CAND2: variants seen among roughly 807,000 people sequenced by gnomAD.
The protein encoded by CAND2 is cullin associated and neddylation dissociated 2 (putative).
CAND2 carries 62 observed loss-of-function variants against 98.9 expected under a neutral mutation model. The ratio of observed to expected loss-of-function variants is 0.63; its 90% CI spans 0.51 to 0.77. CAND2 has a LOEUF of 0.77. Ranked by LOEUF, CAND2 falls within the 30% of genes least tolerant of loss-of-function variation. CAND2 has a pLI of 0.00. For missense variants in CAND2, 1,501 were observed against 1,655.2 expected (o/e 0.91, Z 1.62); for synonymous variants, 770 against 731.9 (o/e 1.05, Z -0.84).
rs916656602 is a variant in CAND2, at chr3:12,818,903, A to G, written c.2944+1027A>G. On this transcript the variant is annotated intron_variant, in intron 10 of 14. Coordinates refer to ENST00000456430, the MANE Select transcript of CAND2 (RefSeq NM_001162499.2). ...AACCTTGAGAGACGAGAGTGTTAAG[A>G]TGCAGAGGAGCCCTGCTTTGCCTAA... is the stretch of plus-strand genomic sequence containing the variant. Among the ~76,000 whole-genome samples the G allele has an allele frequency of 5.3e-5, 8 of 152,338 alleles. 1 individual carries two copies. Among genetic ancestry groups the G allele is most frequent in the Admixed American group, 4.6e-4 (7 of 15,314 alleles).
intron 2 of CAND2, among the ~76,000 whole-genome samples, chr3:12,804,178 G>T (rs754010745): frequency 8.5e-5 from 13 of 152,146 alleles, no homozygotes; most frequent in African/African-American, 1.2e-4. Flanking sequence ...TAAAGGCTGG[G>T]TGCGGTGGCT....
In CAND2 at chr3:12,816,661, C is replaced by T. The variant is rs372784797; in HGVS notation, c.1729C>T (p.Arg577Ter). The change falls in exon 10 of 15, where the codon CGA (arginine) becomes TGA (stop). Residue 577 changes from arginine to a stop codon, truncating the protein, a stop_gained. Coordinates refer to ENST00000456430, the MANE Select transcript of CAND2 (RefSeq NM_001162499.2). LOFTEE classifies it high-confidence loss of function. ...AGAGATGTCTGCTGTCACCCTGGCGCGACTTCGTGCCACTGACCTGGACCA... is the reference window on the plus strand; with the variant it reads ...AGAGATGTCTGCTGTCACCCTGGCGTGACTTCGTGCCACTGACCTGGACCA... ...VGEMSAVTLA[R>*]LRATDLDQEV... 7.3e-5 allele frequency: 118 copies of T among 1,613,676 alleles called. No homozygotes were observed. Among genetic ancestry groups the T allele is most frequent in the Non-Finnish European group, 9.2e-5 (108 of 1,180,056 alleles).
intron 11 of CAND2, among the ~76,000 whole-genome samples, chr3:12,822,939 CCTCT>C (rs932929157): frequency 1.3e-5 from 2 of 152,054 alleles, no homozygotes; most frequent in Non-Finnish European, 2.9e-5. Flanking sequence ...TCTTTCTCTC[CCTCT>C]CTCTTCTTTC....
At chr3:12,818,647 C>G (rs1055109958) in intron 10 of CAND2, among the ~76,000 whole-genome samples, 12 of 152,362 alleles carry the variant, frequency 7.9e-5, no homozygotes, top group African/African-American at 2.6e-4. Context: ...CAGCTGGCCC[C>G]TTACAGAACC....
chr3:12,813,543 A>G (rs1335238420), intron 7 of CAND2, among the ~76,000 whole-genome samples, 155 bp downstream of exon 7: 2 of 152,182 alleles, frequency 1.3e-5, no homozygotes, highest in African/African-American at 4.8e-5. Context: ...TGCACAGACC[A>G]CAGTAATGAT....
At chr3:12,798,756 AC>A (rs1235838274) in intron 1 of CAND2, among the ~76,000 whole-genome samples, 1 of 152,006 alleles carries the variant, frequency 6.6e-6, no homozygotes, top group African/African-American at 2.4e-5. Flanking sequence ...ACTTAAAACC[AC>A]CCCAAGCATG....
At position 12,833,752 on chromosome 3, in the gene CAND2, T is replaced by G. The variant is rs1227532176; in HGVS notation, c.3484-3T>G. On this transcript the variant is annotated splice_region_variant and splice_polypyrimidine_tract_variant and intron_variant, in intron 14 of 14. Coordinates refer to ENST00000456430, the MANE Select transcript of CAND2 (RefSeq NM_001162499.2). Reference sequence around the variant, plus strand: ...TGGCTGCTTCTGCTGTTTCCTACTTTAGGTCAAAGCTGGTTCTGTGAAGCA... The same window carrying G: ...TGGCTGCTTCTGCTGTTTCCTACTTGAGGTCAAAGCTGGTTCTGTGAAGCA... The G allele has an allele frequency of 6.2e-7, 1 of 1,612,618 alleles. No individual in the cohort carries two copies. The highest frequency in any genetic ancestry group is 8.5e-7 in the Non-Finnish European group (1 of 1,178,684).
At position 12,820,179 on chromosome 3, in the gene CAND2, T is replaced by C. The variant is rs369598542; in HGVS notation, c.3038T>C (p.Ile1013Thr). The change falls in exon 11 of 15, where the codon ATC (isoleucine) becomes ACC (threonine). Residue 1013 changes from isoleucine (I) to threonine (T), a missense_variant and splice_region_variant. Ile to Thr is a moderately conservative substitution (Grantham distance 89, BLOSUM62 -1). Around this residue, in one of 3 missense-constraint regions of CAND2, gnomAD observed 1,427 missense variants for 1,545.3 expected, o/e 0.92. Transcript: ENST00000456430. ...HPIDPLLKSF[I>T]GEFMESLQDP... The stretch of plus-strand genomic sequence containing the variant: ...ATTGACCCCCTCCTGAAGAGCTTCA[T>C]CGGTGAGCACCTACCTCTTGCCCCT... 1 of 1,612,582 alleles carries C rather than the reference T, an allele frequency of 6.2e-7. No individual in the cohort carries two copies. The highest frequency in any genetic ancestry group is 8.5e-7 in the Non-Finnish European group (1 of 1,178,654).
intron 3 of CAND2, 118 bp downstream of exon 3, chr3:12,807,578 G>T (rs2061817800): frequency 7.7e-6 from 8 of 1,038,922 alleles, no homozygotes; most frequent in Non-Finnish European, 9.6e-6. Flanking sequence ...ACATACCTGA[G>T]GTCACTCAGC....
At chr3:12,821,395 T>G (rs1243103324) in intron 11 of CAND2, among the ~76,000 whole-genome samples, 2 of 151,960 alleles carry the variant, frequency 1.3e-5, no homozygotes, top group African/African-American at 2.4e-5. Context: ...AGCAAAACTC[T>G]GTCTCATAAA....
At chr3:12,802,902 G>T (rs1189130879) in intron 1 of CAND2, among the ~76,000 whole-genome samples, 2 of 151,930 alleles carry the variant, frequency 1.3e-5, no homozygotes, top group African/African-American at 4.8e-5. Flanking sequence ...AGTGGTATTT[G>T]TGTGTCTAAA....
rs751718834 is a variant in CAND2 at position 12,820,092 on chromosome 3, C to T, written c.2951C>T (p.Pro984Leu). 1 of 1,613,924 alleles carries T rather than the reference C, an allele frequency of 6.2e-7. No individual in the cohort carries two copies. The highest frequency in any genetic ancestry group is 1.3e-5 in the African/African-American group (1 of 74,932). ...ACCTCTTCTTGTCCTGCAGGTCGGC[C>T]ACACACCCGGAGCACCGTCATCACA... is the stretch of plus-strand genomic sequence containing the variant. Reference protein sequence around the residue: ...RLRKQLAAGRPHTRSTVITAV... With the variant: ...RLRKQLAAGRLHTRSTVITAV... The change falls in exon 11 of 15, where the codon CCA (proline) becomes CTA (leucine). Residue 984 changes from proline to leucine, a missense_variant. Physicochemically the swap from Pro to Leu is moderately conservative, Grantham distance 98 (BLOSUM62 -3). Transcript: ENST00000456430.
At chr3:12,831,725 C>T (rs1028329757) in intron 14 of CAND2, among the ~76,000 whole-genome samples, 153 bp downstream of exon 14, 13 of 152,198 alleles carry the variant, frequency 8.5e-5, no homozygotes, top group Non-Finnish European at 1.8e-4. Context: ...TAAAGTACCT[C>T]TTATTATCAT....
intron 1 of CAND2, among the ~76,000 whole-genome samples, chr3:12,798,110 G>T (rs1452672733): frequency 6.8e-6 from 1 of 146,890 alleles, no homozygotes; most frequent in African/African-American, 2.6e-5. Context: ...GAGGGTTGGG[G>T]TAAGGATTAA....
At chr3:12,814,284 C>G (rs1318704057) in intron 7 of CAND2, among the ~76,000 whole-genome samples, 1 of 152,162 alleles carries the variant, frequency 6.6e-6, no homozygotes, top group Non-Finnish European at 1.5e-5. Context: ...TTGGGGTGCT[C>G]CCAGGCAAGA....
chr3:12,798,665 G>A (rs1292388770), intron 1 of CAND2, among the ~76,000 whole-genome samples: 1 of 152,216 alleles, frequency 6.6e-6, no homozygotes, highest in Non-Finnish European at 1.5e-5. Context: ...CTCTGGTCCA[G>A]TCTCTGGGAG....
Position 12,813,374 on chromosome 3 carries a change from A to T in CAND2, c.992A>T (p.Glu331Val), listed in dbSNP as rs138783925. 6.0e-3 allele frequency: 9,696 copies of T among 1,613,728 alleles called. 41 individuals are homozygous for T. Among genetic ancestry groups the T allele is most frequent in the Middle Eastern group, 0.011 (66 of 5,984 alleles). Residue 331 changes from glutamate (E) to valine (V), a missense_variant, in exon 7 of 15, where the codon GAA becomes GTA. Around this residue, in one of 3 missense-constraint regions of CAND2, gnomAD observed 1,427 missense variants for 1,545.3 expected, o/e 0.92. Transcript: ENST00000456430. Reference sequence around the variant, plus strand: ...GAGCAGATGGAGACAGAGGATAGTGAATTCAGTGAGCAAGGTTGGTGGACA... The same window carrying T: ...GAGCAGATGGAGACAGAGGATAGTGTATTCAGTGAGCAAGGTTGGTGGACA... The part of the protein sequence containing the change: ...DEEQMETEDS[E>V]FSEQESEDEY...
Position 12,817,947 on chromosome 3 carries a change from C to T in CAND2, c.2944+71C>T, listed in dbSNP as rs2061923604. ...AGTTTGCCACTGAGCATCCAGGCAG[C>T]TGGGGCAGAGTGAGCTATTTCAAGT... On this transcript the variant is annotated intron_variant, in intron 10 of 14. Transcript: ENST00000456430. 7.2e-6 allele frequency: 10 copies of T among 1,386,460 alleles called. No homozygotes were observed. In the South Asian group the frequency reaches 1.6e-4, roughly 22 times the overall value. 85.9% of individuals were successfully genotyped at this position (1,386,460 alleles called of 1,614,324 possible). A position where few individuals can be genotyped will look rare whatever the true frequency, so the allele number is the denominator to read the frequency against.
At chr3:12,820,322 C>A (rs1412145160) in intron 11 of CAND2, 141 bp downstream of exon 11, 8 of 607,488 alleles carry the variant, frequency 1.3e-5, no homozygotes, top group Non-Finnish European at 2.0e-5. Context: ...GGGCCTGGCC[C>A]TCCAGTTAAA....
Sources: allele counts gnomAD v4.1 joint callset (sites outside exome capture counted in the v4.1 genomes callset), GRCh38; gene constraint gnomAD v4.1.1; regional missense constraint gnomAD v4.1.1; transcripts MANE v1.5; gene names NCBI Gene and HGNC (gene_info 2026-07-23, HGNC 2026-07-21).